The following SCGB2A2 variants were observed in gnomAD, a reference collection of about 807,000 sequenced individuals.
The protein encoded by SCGB2A2 is secretoglobin family 2A member 2, also known as mammaglobin-A.
A neutral mutation model predicts 8.8 loss-of-function variants in SCGB2A2; 11 were observed. That is an observed-to-expected ratio of 1.25 (90% CI 0.79 to 2.07). The LOEUF (loss-of-function observed/expected upper bound fraction) is 2.07. SCGB2A2 is among the 30% of genes most tolerant of loss of function. The pLI, the probability that SCGB2A2 is intolerant of heterozygous loss-of-function variation, is 0.00. For synonymous variants in SCGB2A2, 42 were observed against 40.9 expected, an observed-to-expected ratio of 1.03 and a Z score of -0.10; for missense variants, 113 against 109.9, an observed-to-expected ratio of 1.03 and a Z score of -0.13.
rs1043077936 is a variant in SCGB2A2, at chr11:62,272,939, T to A, written c.244-18T>A. 5 of 1,580,392 alleles carry A rather than the reference T, an allele frequency of 3.2e-6. No individual in the cohort carries two copies. The East Asian group carries it at 9.0e-5, about 28-fold the overall frequency. ...GAGTGCAGAAAATCTAAGTGATGTCTCTGTTTTTGCTTTCTAGCAATTAAT... is the reference window on the plus strand; with the variant it reads ...GAGTGCAGAAAATCTAAGTGATGTCACTGTTTTTGCTTTCTAGCAATTAAT... On this transcript the variant is annotated intron_variant, in intron 2 of 2. Transcript: ENST00000227918.
At position 62,270,358 on chromosome 11, in the gene SCGB2A2, C is replaced by T. The variant is rs936964901; in HGVS notation, c.55+87C>T. The stretch of plus-strand genomic sequence containing the variant: ...AGAACTCCTGCTCCCCAATTCTCAG[C>T]AGAGATCAGCCCCAGTACAAAGGCT... On this transcript the variant is annotated intron_variant, in intron 1 of 2. Coordinates refer to ENST00000227918, the MANE Select transcript of SCGB2A2 (RefSeq NM_002411.4). The T allele has an allele frequency of 6.5e-6, 8 of 1,223,380 alleles. No homozygotes were observed. In the African/African-American group the frequency reaches 1.0e-4, roughly 16 times the overall value. The allele number at this position is 1,223,380 out of a possible 1,614,324, so 75.8% of individuals were successfully genotyped here.
At chr11:62,271,813 A>AT in intron 2 of SCGB2A2, 1 of 984,812 alleles carries the variant, frequency 1.0e-6, no homozygotes, top group Non-Finnish European at 1.2e-6. Flanking sequence ...AATAAAAAGA[A>AT]TTTAAAATGC....
chr11:62,271,461 A>G (rs920685477), intron 2 of SCGB2A2: 32 of 1,333,976 alleles, frequency 2.4e-5, no homozygotes, highest in Admixed American at 3.3e-5. Context: ...ACACACACAC[A>G]TTCAGACATA....
rs1455089678 is a variant in SCGB2A2, at chr11:62,270,974, T to C, written c.149T>C (p.Ile50Thr). Reference sequence around the variant, plus strand: ...TACAAAGAACTTCTTCAAGAGTTCATAGACGACAATGCCACTACAAATGCC... The same window carrying C: ...TACAAAGAACTTCTTCAAGAGTTCACAGACGACAATGCCACTACAAATGCC... Reference protein sequence around the residue: ...TEYKELLQEFIDDNATTNAID... With the variant: ...TEYKELLQEFTDDNATTNAID... The change falls in exon 2 of 3, where the codon ATA becomes ACA. Residue 50 changes from isoleucine to threonine, a missense_variant. By Grantham distance (89) the Ile-to-Thr change is moderately conservative. Coordinates refer to ENST00000227918, the MANE Select transcript of SCGB2A2 (RefSeq NM_002411.4). 1 of 1,614,032 alleles carries C rather than the reference T, an allele frequency of 6.2e-7. No homozygotes were observed. The highest frequency in any genetic ancestry group is 8.5e-7 in the Non-Finnish European group (1 of 1,179,954).
At chr11:62,270,789 T>C in intron 1 of SCGB2A2, 92 bp from the exon 2 acceptor site, 3 of 908,944 alleles carry the variant, frequency 3.3e-6, no homozygotes, top group Non-Finnish European at 5.1e-6. Context: ...CTATATTCTC[T>C]TGGGCTGTAA....
intron 1 of SCGB2A2, among the ~76,000 whole-genome samples, chr11:62,270,636 T>C (rs1749274503): frequency 6.6e-6 from 1 of 152,228 alleles, no homozygotes; most frequent in Admixed American, 6.5e-5. Context: ...TCAAGTCTTC[T>C]CATTAAATGA....
At chr11:62,271,493 A>G (rs1216333019) in intron 2 of SCGB2A2, 3 of 1,254,096 alleles carry the variant, frequency 2.4e-6, no homozygotes, top group Non-Finnish European at 3.0e-6. Context: ...ACAGACAGGC[A>G]AAGACACAGA....
chr11:62,271,156 A>G, intron 2 of SCGB2A2, 88 bp downstream of exon 2: 1 of 1,607,552 alleles, frequency 6.2e-7, no homozygotes, highest in Non-Finnish European at 8.5e-7. Context: ...TGCCAAAGCC[A>G]CTAGTGAACA....
At position 62,270,457 on chromosome 11, in the gene SCGB2A2, G is replaced by A. The variant is rs113539888; in HGVS notation, c.55+186G>A. ...TGAGCTCAGGCAGTCTGTCCACCTC[G>A]GCCTCCCAAAGTGCTGGGATTATAG... On this transcript the variant is annotated intron_variant, in intron 1 of 2. Coordinates refer to ENST00000227918, the MANE Select transcript of SCGB2A2 (RefSeq NM_002411.4). Among the ~76,000 whole-genome samples, 1,361 of 152,170 alleles carry A rather than the reference G, an allele frequency of 8.9e-3. 17 individuals carry two copies. The highest frequency in any genetic ancestry group is 0.03 in the African/African-American group (1,258 of 41,492).
At chr11:62,271,577 A>C in intron 2 of SCGB2A2, 1 of 1,059,486 alleles carries the variant, frequency 9.4e-7, no homozygotes, top group East Asian at 6.7e-5. Context: ...AGAACCACAC[A>C]ACCACAGAAA....
chr11:62,271,036 G>A lies in SCGB2A2; in HGVS notation c.211G>A (p.Asp71Asn). ...GAAGGAATGTTTTCTTAACCAAACG[G>A]ATGAAACTCTGAGCAATGTTGAGGT... ...ELKECFLNQT[D>N]ETLSNVEVFM... Residue 71 changes from aspartate to asparagine, a missense_variant, in exon 2 of 3, where the codon GAT (aspartate) becomes AAT (asparagine). By Grantham distance (23) the Asp-to-Asn change is conservative (BLOSUM62 1). Transcript: ENST00000227918. 9 of 1,614,214 alleles carry A rather than the reference G, an allele frequency of 5.6e-6. No individual in the cohort carries two copies. The highest frequency in any genetic ancestry group is 7.6e-6 in the Non-Finnish European group (9 of 1,180,038).
chr11:62,272,720 C>T (rs552369689), intron 2 of SCGB2A2, among the ~76,000 whole-genome samples: 26 of 142,926 alleles, frequency 1.8e-4, no homozygotes, highest in African/African-American at 6.5e-4. Flanking sequence ...AATATAGTCA[C>T]GTATTTGTTG....
In SCGB2A2 at chr11:62,271,839, T is replaced by C. The variant is rs1042146013; in HGVS notation, c.243+771T>C. 5 of 985,352 alleles carry C rather than the reference T, an allele frequency of 5.1e-6. No homozygotes were observed. The African/African-American group carries it at 8.7e-5, about 17-fold the overall frequency. The allele number at this position is 985,352 out of a possible 1,614,324, so 61.0% of individuals were successfully genotyped here. The stretch of plus-strand genomic sequence containing the variant: ...TTTAAAATGCACTTCCAGGCAATCA[T>C]AATTTGCTAGCATAAATGATGAGAA... On this transcript the variant is annotated intron_variant, in intron 2 of 2. Transcript: ENST00000227918.
rs755870310 is a variant in SCGB2A2 at position 62,270,224 on chromosome 11, T to C, written c.8T>C (p.Leu3Ser). The change falls in exon 1 of 3, where the codon TTG becomes TCG. Residue 3 changes from leucine to serine, a missense_variant. Physicochemically the swap from Leu to Ser is moderately radical, Grantham distance 145. Coordinates refer to ENST00000227918, the MANE Select transcript of SCGB2A2 (RefSeq NM_002411.4). MKLLMVLMLAALS... is the reference protein window; with the variant it reads MKSLMVLMLAALS... Reference sequence around the variant, plus strand: ...GACAGCAGCAGCCTCACCATGAAGTTGCTGATGGTCCTCATGCTGGCGGCC... The same window carrying C: ...GACAGCAGCAGCCTCACCATGAAGTCGCTGATGGTCCTCATGCTGGCGGCC... 1 of 1,613,826 alleles carries C rather than the reference T, an allele frequency of 6.2e-7. No homozygotes were observed. Among genetic ancestry groups the C allele is most frequent in the African/African-American group, 1.3e-5 (1 of 74,908 alleles).
chr11:62,271,658 A>G (rs2134502501), intron 2 of SCGB2A2: 1 of 993,456 alleles, frequency 1.0e-6, no homozygotes, highest in African/African-American at 1.7e-5. Context: ...AGAAAAAACA[A>G]TTTTCCAGAA....
rs754122557 is a variant in SCGB2A2, at chr11:62,273,011, T to C, written c.*16T>C. On this transcript the variant is annotated 3_prime_UTR_variant, in exon 3 of 3. Transcript: ENST00000227918. ...TTTATTTTAACTTTCTGCAAGACCT[T>C]TGGCTCACAGAACTGCAGGGTATGG... 3 of 1,602,380 alleles carry C rather than the reference T, an allele frequency of 1.9e-6. No individual in the cohort carries two copies. The highest frequency in any genetic ancestry group is 2.6e-6 in the Non-Finnish European group (3 of 1,173,392).
Position 62,270,920 on chromosome 11 carries a change from C to T in SCGB2A2, c.95C>T (p.Thr32Ile). The T allele has an allele frequency of 6.2e-7, 1 of 1,614,124 alleles. No homozygotes were observed. Among genetic ancestry groups the T allele is most frequent in the South Asian group, 1.1e-5 (1 of 91,076 alleles). The change falls in exon 2 of 3, where the codon ACA (threonine) becomes ATA (isoleucine). Residue 32 changes from threonine to isoleucine, a missense_variant. By Grantham distance (89) the Thr-to-Ile change is moderately conservative. Coordinates refer to ENST00000227918, the MANE Select transcript of SCGB2A2 (RefSeq NM_002411.4). The part of the protein sequence containing the change: ...CPLLENVISK[T>I]INPQVSKTEY... The stretch of plus-strand genomic sequence containing the variant: ...TTATTGGAGAATGTGATTTCCAAGA[C>T]AATCAATCCACAAGTGTCTAAGACT...
chr11:62,270,675 T>C (rs1444110223), intron 1 of SCGB2A2, among the ~76,000 whole-genome samples: 2 of 152,216 alleles, frequency 1.3e-5, no homozygotes, highest in Non-Finnish European at 2.9e-5. Context: ...TTTTCTGGGC[T>C]GGGGAGTGGA....
At chr11:62,271,114 G>C (rs1272916435) in intron 2 of SCGB2A2, 46 bp downstream of exon 2, 1 of 1,612,702 alleles carries the variant, frequency 6.2e-7, no homozygotes, top group Non-Finnish European at 8.5e-7. Flanking sequence ...CCCTGACCAG[G>C]GACAAGTGGG....
Sources: allele counts gnomAD v4.1 joint callset (sites outside exome capture counted in the v4.1 genomes callset), GRCh38; gene constraint gnomAD v4.1.1; transcripts MANE v1.5; gene names NCBI Gene and HGNC (gene_info 2026-07-23, HGNC 2026-07-21).